The following GABRG1 variants were observed in gnomAD, a reference collection of about 807,000 sequenced individuals.
GABRG1 encodes the protein gamma-aminobutyric acid receptor subunit gamma-1.
A neutral mutation model predicts 49.8 loss-of-function variants in GABRG1; 49 were observed. The ratio of observed to expected loss-of-function variants is 0.98; its 90% confidence interval spans 0.78 to 1.25. GABRG1 has a LOEUF of 1.25. Ranked by LOEUF, GABRG1 falls within the 50% of genes most tolerant of loss-of-function variation. The pLI is 0.00. For missense variants in GABRG1, 552 were observed against 552.3 expected (o/e 1.00, Z 0.01); for synonymous variants, 232 against 185.1 (o/e 1.25, Z -2.06).
intron 8 of GABRG1, among the ~76,000 whole-genome samples, chr4:46,046,239 T>C (rs1008865384): frequency 6.6e-5 from 10 of 152,114 alleles, no homozygotes; most frequent in African/African-American, 2.4e-4. Flanking sequence ...CCCTTTCTGC[T>C]GTGATAGTCT....
chr4:46,072,840 A>T (rs1222695833), intron 3 of GABRG1, among the ~76,000 whole-genome samples: 1 of 148,846 alleles, frequency 6.7e-6, no homozygotes, highest in Admixed American at 6.6e-5. Flanking sequence ...AAGTGTGTTT[A>T]CCTGTTTTTT....
chr4:46,102,795 A>G (rs1475103488), intron 1 of GABRG1, among the ~76,000 whole-genome samples: 9 of 151,704 alleles, frequency 5.9e-5, no homozygotes, highest in Non-Finnish European at 1.0e-4. Context: ...TCTACATAAC[A>G]AACAAGAGTT....
chr4:46,088,791 A>G (rs988270753), intron 2 of GABRG1, among the ~76,000 whole-genome samples: 6 of 121,072 alleles, frequency 5.0e-5, no homozygotes, highest in African/African-American at 2.1e-4. Context: ...TTTAAATGGC[A>G]TGTGTGTGTG....
At position 46,058,670 on chromosome 4, in the gene GABRG1, T is replaced by C. The variant is rs762892106; in HGVS notation, c.626-48A>G. ...TTAGCAAGATCCAAATTTGATACCA[T>C]TGCAATGCCAACATTATCCAAAGGT... On this transcript the variant is annotated intron_variant, in intron 5 of 8. Coordinates refer to ENST00000295452, the MANE Select transcript of GABRG1 (RefSeq NM_173536.4). 9.7e-6 allele frequency: 14 copies of C among 1,440,632 alleles called. No homozygotes were observed. In the African/African-American group the frequency reaches 1.1e-4, roughly 12 times the overall value. 89.2% of individuals were successfully genotyped at this position (1,440,632 alleles called of 1,614,324 possible). A position where few individuals can be genotyped will look rare whatever the true frequency, so the allele number is the denominator to read the frequency against.
intron 1 of GABRG1, among the ~76,000 whole-genome samples, chr4:46,120,615 T>A (rs1429883396): frequency 6.6e-6 from 1 of 151,792 alleles, no homozygotes; most frequent in Non-Finnish European, 1.5e-5. Context: ...CATCAACATT[T>A]TATTACAAAT....
rs34820575 is a variant in GABRG1 at position 46,060,257 on chromosome 4, A to ATG, written c.626-1637_626-1636dup. Among the ~76,000 whole-genome samples the ATG allele has an allele frequency of 3.8e-3, 575 of 149,380 alleles. 3 individuals carry two copies. Among genetic ancestry groups the ATG allele is most frequent in the Middle Eastern group, 6.9e-3 (2 of 288 alleles). On this transcript the variant is annotated intron_variant, in intron 5 of 8. Coordinates refer to ENST00000295452, the MANE Select transcript of GABRG1 (RefSeq NM_173536.4). ...CTCCCTTTTAGCTTTCGGTGGTTGT[A>ATG]TGTGTGTGTGTGTGTGTGTGTGTGT...
chr4:46,109,968 A>G (rs1223451756), intron 1 of GABRG1, among the ~76,000 whole-genome samples: 1 of 151,134 alleles, frequency 6.6e-6, no homozygotes, highest in East Asian at 2.0e-4. Flanking sequence ...CCATGTGCAG[A>G]TGAGAAAAAT....
chr4:46,102,850 C>A (rs925149839), intron 1 of GABRG1, among the ~76,000 whole-genome samples: 1 of 151,564 alleles, frequency 6.6e-6, no homozygotes, highest in Non-Finnish European at 1.5e-5. Flanking sequence ...ACAAGGCATG[C>A]TTTGCCATAA....
chr4:46,089,823 C>T (rs946054892), intron 2 of GABRG1, among the ~76,000 whole-genome samples: 4 of 151,730 alleles, frequency 2.6e-5, no homozygotes, highest in African/African-American at 9.7e-5. Flanking sequence ...ATTAGCTGTG[C>T]GGGGTGTGGC....
intron 3 of GABRG1, among the ~76,000 whole-genome samples, chr4:46,066,660 G>A (rs923699757): frequency 1.3e-5 from 2 of 152,058 alleles, no homozygotes; most frequent in African/African-American, 4.8e-5. Flanking sequence ...TTTGTCCATA[G>A]TAACTGTAAT....
At chr4:46,117,737 T>C (rs999571912) in intron 1 of GABRG1, among the ~76,000 whole-genome samples, 1 of 143,998 alleles carries the variant, frequency 6.9e-6, no homozygotes, top group East Asian at 2.0e-4. Flanking sequence ...CATATATACA[T>C]ATACACATAT....
chr4:46,044,812 G>A (rs746691410), intron 8 of GABRG1, among the ~76,000 whole-genome samples: 2 of 152,062 alleles, frequency 1.3e-5, no homozygotes, highest in East Asian at 1.9e-4. Flanking sequence ...AGATGACGAC[G>A]GTTGGCATTC....
intron 1 of GABRG1, among the ~76,000 whole-genome samples, chr4:46,102,952 A>T (rs1720429114): frequency 6.6e-6 from 1 of 151,620 alleles, no homozygotes; most frequent in Admixed American, 6.6e-5. Context: ...TTCATGCGTA[A>T]ATTAAACATT....
At chr4:46,051,129 A>G (rs1718201143) in intron 8 of GABRG1, among the ~76,000 whole-genome samples, 1 of 151,936 alleles carries the variant, frequency 6.6e-6, no homozygotes, top group Non-Finnish European at 1.5e-5. Context: ...AACACAAAAA[A>G]TCGGATCAAA....
rs1241385053 is a variant in GABRG1, at chr4:46,037,013, T to C, written c.*3975A>G. 1 of 151,850 alleles carries C rather than the reference T, an allele frequency of 6.6e-6. No homozygotes were observed. Among genetic ancestry groups the C allele is most frequent in the Non-Finnish European group, 1.5e-5 (1 of 67,856 alleles). 9.4% of individuals were successfully genotyped at this position (151,850 alleles called of 1,614,324 possible). On this transcript the variant is annotated 3_prime_UTR_variant, in exon 9 of 9. Transcript: ENST00000295452. Reference sequence around the variant, plus strand: ...TCAAGCTGTTTACCCAGTTGGAAATTGTGATCTCTCTCCCTCTTACCTGTT... The same window carrying C: ...TCAAGCTGTTTACCCAGTTGGAAATCGTGATCTCTCTCCCTCTTACCTGTT...
At chr4:46,045,800 C>T (rs1304718229) in intron 8 of GABRG1, among the ~76,000 whole-genome samples, 1 of 151,918 alleles carries the variant, frequency 6.6e-6, no homozygotes, top group Non-Finnish European at 1.5e-5. Context: ...CTCCTGACCC[C>T]GTGATCTGCC....
chr4:46,064,642 TATA>T, intron 4 of GABRG1, 119 bp from the exon 5 acceptor site: 1 of 437,472 alleles, frequency 2.3e-6, no homozygotes, highest in Non-Finnish European at 4.1e-6. Flanking sequence ...CCTATTAGAA[TATA>T]ATAATGATTC....
chr4:46,050,532 T>C (rs193243601), intron 8 of GABRG1, among the ~76,000 whole-genome samples: 162 of 152,064 alleles, frequency 1.1e-3, no homozygotes, highest in Middle Eastern at 6.8e-3. Flanking sequence ...ATTTCTCATT[T>C]ATTTGAGTAT....
At chr4:46,103,113 C>G (rs1348845720) in intron 1 of GABRG1, among the ~76,000 whole-genome samples, 7 of 151,490 alleles carry the variant, frequency 4.6e-5, no homozygotes, top group Non-Finnish European at 1.0e-4. Context: ...TGCAAATTTC[C>G]TGGTTCTGAC....
Sources: gnomAD v4.1 joint callset for allele counts (sites outside exome capture counted in the v4.1 genomes callset) on GRCh38, gnomAD v4.1.1 for gene constraint, MANE v1.5 for transcripts, NCBI Gene and HGNC (gene_info 2026-07-23, HGNC 2026-07-21) for gene names.